The following CCDC141 variants were observed in gnomAD, a reference collection of about 807,000 sequenced individuals.
CCDC141 encodes coiled-coil domain-containing protein 141.
CCDC141 carries 168 observed loss-of-function variants against 181.0 expected under a neutral mutation model. The ratio of observed to expected loss-of-function variants is 0.93; its 90% CI spans 0.82 to 1.05. The LOEUF is 1.05. Among genes scored for constraint, CCDC141 ranks in the 50% least tolerant of loss-of-function variants. The pLI, the probability that CCDC141 is intolerant of heterozygous loss-of-function variation, is 0.00. For missense variants in CCDC141, 1,902 were observed against 1,788.5 expected (o/e 1.06, Z -1.14); for synonymous variants, 666 against 642.3 (o/e 1.04, Z -0.56).
At chr2:178,889,939 T>G (rs142373864) in intron 8 of CCDC141, among the ~76,000 whole-genome samples, 7 of 152,212 alleles carry the variant, frequency 4.6e-5, no homozygotes, top group African/African-American at 1.4e-4. Context: ...AATTCCATAA[T>G]TCTACAAAAG....
intron 4 of CCDC141, among the ~76,000 whole-genome samples, chr2:178,968,226 A>G (rs963688994): frequency 2.0e-5 from 3 of 152,230 alleles, no homozygotes; most frequent in Admixed American, 2.0e-4. Context: ...TCAGCTCTGG[A>G]ACAAGCAGAC....
At chr2:179,000,096 A>T (rs1371926974) in intron 2 of CCDC141, among the ~76,000 whole-genome samples, 1 of 146,038 alleles carries the variant, frequency 6.8e-6, no homozygotes, top group Non-Finnish European at 1.5e-5. Flanking sequence ...ACACACACAC[A>T]CAATTAGAAT....
intron 4 of CCDC141, among the ~76,000 whole-genome samples, chr2:178,962,621 TCTTTCCTTCTTTCTTTC>T (rs199577924): frequency 7.2e-6 from 1 of 138,696 alleles, no homozygotes; most frequent in Non-Finnish European, 1.5e-5. Context: ...TTCTTTTCCT[TCTTTCCTTCTTTCTTTC>T]CTTTCCTTCT....
At chr2:178,858,211 T>C (rs1278895612) in intron 17 of CCDC141, among the ~76,000 whole-genome samples, 3 of 152,200 alleles carry the variant, frequency 2.0e-5, no homozygotes, top group African/African-American at 4.8e-5. Context: ...ATTATTTCTC[T>C]ATTAGAAACT....
chr2:178,886,727 T>A, intron 10 of CCDC141, 25 bp downstream of exon 10: 1 of 1,324,692 alleles, frequency 7.5e-7, no homozygotes, highest in Non-Finnish European at 1.0e-6. Flanking sequence ...ATTATAGCCA[T>A]AATAATCATT....
intron 2 of CCDC141, among the ~76,000 whole-genome samples, chr2:179,036,575 G>C (rs2043151949): frequency 6.6e-6 from 1 of 152,190 alleles, no homozygotes; most frequent in East Asian, 1.9e-4. Context: ...TGCCAAGCGA[G>C]GCAGGGAAAG....
the CCDC141 span, among the ~76,000 whole-genome samples, chr2:178,821,768 G>A: frequency 0.17 from 25,605 of 152,006 alleles, 4,107 homozygotes; most frequent in East Asian, 0.72. Flanking sequence ...AACAGGTGCT[G>A]GAGAGGATGT....
intron 12 of CCDC141, chr2:178,875,087 G>C (rs1285159639): frequency 6.6e-6 from 1 of 152,152 alleles, no homozygotes; most frequent in Non-Finnish European, 1.5e-5. Flanking sequence ...TGATTGGCTT[G>C]AGTGATTGCC....
chr2:178,900,765 A>C (rs1228742218), intron 8 of CCDC141, among the ~76,000 whole-genome samples: 1 of 152,194 alleles, frequency 6.6e-6, no homozygotes, highest in African/African-American at 2.4e-5. Context: ...GGAGTTCAGC[A>C]TCAAAACTAA....
Position 178,850,046 on chromosome 2 carries a change from T to C in CCDC141, c.3357+3A>G, listed in dbSNP as rs753505189. On this transcript the variant is annotated splice_donor_region_variant and intron_variant, in intron 21 of 23. Coordinates refer to ENST00000443758, the MANE Select transcript of CCDC141 (RefSeq NM_173648.4). ...AATACATATTCTAGGAAGAAGAAAT[T>C]ACCTTCAGTTTTTCTTCGAGCTCTG... The C allele has an allele frequency of 2.7e-6, 4 of 1,475,464 alleles. No homozygotes were observed. Among genetic ancestry groups the C allele is most frequent in the Non-Finnish European group, 3.7e-6 (4 of 1,067,460 alleles). 91.4% of individuals were successfully genotyped at this position (1,475,464 alleles called of 1,614,324 possible). A position where few individuals can be genotyped will look rare whatever the true frequency, so the allele number is the denominator to read the frequency against.
chr2:178,995,392 C>T (rs185129681), intron 2 of CCDC141, among the ~76,000 whole-genome samples: 1 of 152,236 alleles, frequency 6.6e-6, no homozygotes, highest in East Asian at 1.9e-4. Context: ...ATCATGAGAA[C>T]AGCACGGGAA....
At chr2:178,856,518 A>C in intron 17 of CCDC141, 121 bp from the exon 18 acceptor site, 1 of 641,758 alleles carries the variant, frequency 1.6e-6, no homozygotes, top group East Asian at 2.9e-5. Flanking sequence ...TATTTAGGGT[A>C]ATTTTCCCTC....
At chr2:178,821,784 A>G in the CCDC141 span, among the ~76,000 whole-genome samples, 5 of 152,034 alleles carry the variant, frequency 3.3e-5, no homozygotes, top group African/African-American at 4.8e-5. Flanking sequence ...GATGTGGAGA[A>G]ATAGGAACAC....
intron 6 of CCDC141, among the ~76,000 whole-genome samples, chr2:178,924,197 A>G (rs1017656698): frequency 6.6e-6 from 1 of 152,216 alleles, no homozygotes. Flanking sequence ...ACAATTGGGA[A>G]TATATTTGAA....
intron 2 of CCDC141, among the ~76,000 whole-genome samples, chr2:179,012,836 A>G (rs1028813618): frequency 2.6e-5 from 4 of 152,198 alleles, no homozygotes; most frequent in Non-Finnish European, 5.9e-5. Flanking sequence ...AATGTGATAT[A>G]CCACGTAAAC....
chr2:178,945,510 T>A (rs1413595703), intron 5 of CCDC141, among the ~76,000 whole-genome samples: 1 of 152,140 alleles, frequency 6.6e-6, no homozygotes, highest in Non-Finnish European at 1.5e-5. Flanking sequence ...ACATAGTAAG[T>A]AGCAGAGACA....
the CCDC141 span, among the ~76,000 whole-genome samples, chr2:178,818,922 C>A: frequency 6.6e-6 from 1 of 152,014 alleles, no homozygotes; most frequent in Non-Finnish European, 1.5e-5. Context: ...GTAAAGGCGA[C>A]TTTTATCAAG....
At chr2:178,978,876 G>GCT (rs746943338) in intron 2 of CCDC141, among the ~76,000 whole-genome samples, 5 of 152,170 alleles carry the variant, frequency 3.3e-5, no homozygotes, top group African/African-American at 4.8e-5. Flanking sequence ...GCATGGCCAG[G>GCT]CTAAGGGCGT....
intron 2 of CCDC141, among the ~76,000 whole-genome samples, chr2:179,027,910 TTG>T (rs1365817936): frequency 6.6e-6 from 1 of 152,178 alleles, no homozygotes; most frequent in African/African-American, 2.4e-5. Flanking sequence ...GCCCTGGTGT[TTG>T]TTGTTCCCTT....
Sources: allele counts gnomAD v4.1 joint callset (sites outside exome capture counted in the v4.1 genomes callset), GRCh38; gene constraint gnomAD v4.1.1; transcripts MANE v1.5; gene names NCBI Gene and HGNC (gene_info 2026-07-23, HGNC 2026-07-21).